The following SGCZ variants were observed in gnomAD, a reference collection of about 807,000 sequenced individuals.
The protein encoded by SGCZ is zeta-sarcoglycan.
SGCZ carries 40 observed loss-of-function variants against 41.3 expected under a neutral mutation model. The observed-to-expected ratio is 0.97, with a 90% CI of 0.75 to 1.26. SGCZ has a LOEUF of 1.26. Among genes scored for constraint, SGCZ ranks in the 50% most tolerant of loss-of-function variants. SGCZ has a pLI of 0.00. For synonymous variants in SGCZ, 206 were observed against 137.5 expected, an observed-to-expected ratio of 1.50 and a Z score of -3.49; for missense variants, 552 against 369.8, an observed-to-expected ratio of 1.49 and a Z score of -4.04.
intron 1 of SGCZ, among the ~76,000 whole-genome samples, chr8:15,066,251 T>G (rs996242068): frequency 3.6e-4 from 51 of 142,272 alleles, no homozygotes; most frequent in African/African-American, 1.3e-3. Flanking sequence ...GAGCTTGCCG[T>G]GAGCCGAGAT....
intron 1 of SGCZ, among the ~76,000 whole-genome samples, chr8:14,723,367 G>T (rs548310382): frequency 1.3e-5 from 2 of 152,306 alleles, no homozygotes; most frequent in Admixed American, 1.3e-4. Flanking sequence ...CTGGGGCACT[G>T]CCCACTCTTG....
chr8:14,382,975 C>T (rs1314984913), intron 2 of SGCZ, among the ~76,000 whole-genome samples: 3 of 152,096 alleles, frequency 2.0e-5, no homozygotes, highest in African/African-American at 7.2e-5. Flanking sequence ...GCTGCTCTGT[C>T]CCCTGAGAGA....
At chr8:14,443,294 G>T (rs28845923) in intron 2 of SGCZ, among the ~76,000 whole-genome samples, 2,165 of 151,672 alleles carry the variant, frequency 0.014, 54 homozygotes, top group African/African-American at 0.048. Flanking sequence ...TTTCTTCACA[G>T]AATTGGAAAA....
chr8:15,199,611 T>C (rs959297792), intron 1 of SGCZ, among the ~76,000 whole-genome samples: 2 of 152,120 alleles, frequency 1.3e-5, no homozygotes, highest in African/African-American at 4.8e-5. Flanking sequence ...ATCATCTTTA[T>C]AAATAAGAAA....
intron 1 of SGCZ, among the ~76,000 whole-genome samples, chr8:14,834,324 C>G (rs2130609810): frequency 6.6e-6 from 1 of 152,176 alleles, no homozygotes; most frequent in South Asian, 2.1e-4. Context: ...ATTCTTTTAT[C>G]TCTTTGCAAA....
intron 2 of SGCZ, among the ~76,000 whole-genome samples, chr8:14,552,198 T>G (rs761552616): frequency 6.6e-6 from 1 of 152,120 alleles, no homozygotes; most frequent in South Asian, 2.1e-4. Flanking sequence ...ATTTTACTGC[T>G]CTGATGGAAG....
At chr8:14,102,291 C>T in intron 7 of SGCZ, 85 bp downstream of exon 7, 1 of 1,269,210 alleles carries the variant, frequency 7.9e-7, no homozygotes, top group Non-Finnish European at 1.0e-6. Flanking sequence ...TATTCCTTCA[C>T]AAGTCAATTA....
intron 1 of SGCZ, among the ~76,000 whole-genome samples, chr8:15,067,689 C>T (rs549295325): frequency 6.6e-6 from 1 of 152,076 alleles, no homozygotes; most frequent in Non-Finnish European, 1.5e-5. Flanking sequence ...TTATATTAAC[C>T]TCTATCTACC....
At chr8:15,231,655 T>C (rs1315969728) in intron 1 of SGCZ, among the ~76,000 whole-genome samples, 2 of 130,860 alleles carry the variant, frequency 1.5e-5, no homozygotes, top group South Asian at 5.6e-4. Context: ...AGGTTCTCAC[T>C]CTGTCACCCA....
intron 1 of SGCZ, among the ~76,000 whole-genome samples, chr8:15,142,627 A>C (rs1798921905): frequency 6.6e-6 from 1 of 152,004 alleles, no homozygotes; most frequent in African/African-American, 2.4e-5. Context: ...ATGACTTCCC[A>C]TACTACGAAA....
intron 1 of SGCZ, among the ~76,000 whole-genome samples, chr8:14,573,074 T>A (rs17119831): frequency 0.02 from 3,055 of 152,266 alleles, 97 homozygotes; most frequent in African/African-American, 0.069. Flanking sequence ...TTTGTACTAC[T>A]GGTGGTAGGT....
chr8:14,251,023 C>T (rs9325700), intron 3 of SGCZ, among the ~76,000 whole-genome samples: 101,286 of 151,822 alleles, frequency 0.67, 34,169 homozygotes, highest in South Asian at 0.78. Context: ...AGGTCAGGAG[C>T]TCAAGACCAG....
At chr8:14,888,940 A>T (rs1804909309) in intron 1 of SGCZ, among the ~76,000 whole-genome samples, 1 of 152,164 alleles carries the variant, frequency 6.6e-6, no homozygotes, top group Non-Finnish European at 1.5e-5. Context: ...CTTGGTGCAT[A>T]TTTCAAATAA....
chr8:15,011,560 A>T (rs894291506), intron 1 of SGCZ, among the ~76,000 whole-genome samples: 1 of 152,188 alleles, frequency 6.6e-6, no homozygotes, highest in African/African-American at 2.4e-5. Context: ...GCAGATTATA[A>T]GATAGTTTTC....
chr8:14,541,619 T>A (rs1183230939), intron 2 of SGCZ, among the ~76,000 whole-genome samples: 1 of 152,164 alleles, frequency 6.6e-6, no homozygotes, highest in Admixed American at 6.6e-5. Context: ...TATAGTAGAA[T>A]AATACATAAT....
intron 4 of SGCZ, among the ~76,000 whole-genome samples, chr8:14,189,885 G>C (rs1259870548): frequency 6.6e-6 from 1 of 152,048 alleles, no homozygotes; most frequent in Admixed American, 6.6e-5. Flanking sequence ...TTTCTAACCT[G>C]TAAGAGAAGT....
chr8:15,034,211 T>C (rs1050638866), intron 1 of SGCZ, among the ~76,000 whole-genome samples: 3 of 151,822 alleles, frequency 2.0e-5, no homozygotes, highest in Non-Finnish European at 4.4e-5. Context: ...AAAGAAACAA[T>C]TGAATAAAAT....
At chr8:14,623,487 T>C (rs1383762268) in intron 1 of SGCZ, among the ~76,000 whole-genome samples, 1 of 151,992 alleles carries the variant, frequency 6.6e-6, no homozygotes, top group Non-Finnish European at 1.5e-5. Context: ...ATAGGAAAAA[T>C]TAATATATCC....
chr8:14,338,237 C>A (rs899857728), intron 2 of SGCZ, among the ~76,000 whole-genome samples: 1 of 152,184 alleles, frequency 6.6e-6, no homozygotes, highest in Non-Finnish European at 1.5e-5. Context: ...AAAGGAGGAG[C>A]TGGGTCATGC....
Sources: gnomAD v4.1 joint callset for allele counts (sites outside exome capture counted in the v4.1 genomes callset) on GRCh38, gnomAD v4.1.1 for gene constraint, MANE v1.5 for transcripts, NCBI Gene and HGNC (gene_info 2026-07-23, HGNC 2026-07-21) for gene names.